The following SLC6A16 variants were observed in gnomAD, a reference collection of about 807,000 sequenced individuals.
SLC6A16 encodes solute carrier family 6 member 16.
In SLC6A16, 54 loss-of-function variants were observed where a neutral mutation model predicts 65.4. The ratio of observed to expected loss-of-function variants is 0.83; its 90% CI spans 0.66 to 1.04. The LOEUF (loss-of-function observed/expected upper bound fraction) is 1.04. Among genes scored for constraint, SLC6A16 ranks in the 50% least tolerant of loss-of-function variants. The pLI, the probability that SLC6A16 is intolerant of heterozygous loss-of-function variation, is 0.00. For synonymous variants in SLC6A16, 330 were observed against 346.5 expected, an observed-to-expected ratio of 0.95 and a Z score of 0.53; for missense variants, 816 against 914.0, an observed-to-expected ratio of 0.89 and a Z score of 1.38.
rs1030134979 is a variant in SLC6A16, at chr19:49,316,396, T to C, written c.-64-4985A>G. 3.3e-5 allele frequency among the ~76,000 whole-genome samples: 5 copies of C among 152,050 alleles called. No homozygotes were observed. The South Asian group carries it at 1.0e-3, about 31-fold the overall frequency. On this transcript the variant is annotated intron_variant, in intron 1 of 11. Transcript: ENST00000335875. ...GCCACAGACCTGTATAGAATCAGCATCTGTGTGGGAGGAAACAAAGGAAGC... is the reference window on the plus strand; with the variant it reads ...GCCACAGACCTGTATAGAATCAGCACCTGTGTGGGAGGAAACAAAGGAAGC...
intron 7 of SLC6A16, chr19:49,305,755 T>C (rs536864965): frequency 3.9e-5 from 6 of 152,246 alleles, no homozygotes; most frequent in African/African-American, 1.4e-4. Flanking sequence ...AGATAAATCA[T>C]TGTTGTTTTA....
At chr19:49,335,598 C>T in the SLC6A16 span, 2 of 1,613,606 alleles carry the variant, frequency 1.2e-6, no homozygotes, top group African/African-American at 2.7e-5. This position sits in a 1 kb window ranked among gnomAD's most constrained non-coding sequence, Gnocchi z 4.6. Context: ...CGTTTTCAAC[C>T]TCTTCTTCTT....
chr19:49,320,603 T>C (rs866361878), intron 1 of SLC6A16, among the ~76,000 whole-genome samples: 2 of 151,778 alleles, frequency 1.3e-5, no homozygotes, highest in African/African-American at 4.8e-5. Flanking sequence ...TCAACAAAAT[T>C]GACAAACCTT....
At chr19:49,314,642 T>C (rs1461069892) in intron 1 of SLC6A16, among the ~76,000 whole-genome samples, 2 of 152,156 alleles carry the variant, frequency 1.3e-5, no homozygotes, top group Admixed American at 1.3e-4. Context: ...AACTAGTATC[T>C]TTAGAGTATT....
chr19:49,321,437 G>A (rs1284957509), intron 1 of SLC6A16, among the ~76,000 whole-genome samples: 2 of 152,016 alleles, frequency 1.3e-5, no homozygotes, highest in Non-Finnish European at 2.9e-5. Context: ...GAACCCAGGA[G>A]TTCAAGACCA....
At chr19:49,321,588 T>C (rs1970711835) in intron 1 of SLC6A16, among the ~76,000 whole-genome samples, 1 of 151,948 alleles carries the variant, frequency 6.6e-6, no homozygotes, top group Non-Finnish European at 1.5e-5. Flanking sequence ...ATACAAAAAT[T>C]AGTCAGATGT....
chr19:49,308,875 C>A lies in SLC6A16; in HGVS notation c.1229+1G>T, dbSNP rs747572736. Reference sequence around the variant, plus strand: ...ACCCTTAACAAAGGGGCCGGCCTTACCTCTCACAGCAGCGATGTGTGATGA... The same window carrying A: ...ACCCTTAACAAAGGGGCCGGCCTTAACTCTCACAGCAGCGATGTGTGATGA... On this transcript the variant is annotated splice_donor_variant, in intron 7 of 11. Transcript: ENST00000335875. LOFTEE classifies it high-confidence loss of function. 1.2e-5 allele frequency: 20 copies of A among 1,613,992 alleles called. No individual in the cohort carries two copies. The Admixed American group carries it at 2.8e-4, about 23-fold the overall frequency.
At chr19:49,336,967 C>G in the SLC6A16 span, 6 of 1,614,174 alleles carry the variant, frequency 3.7e-6, no homozygotes, top group South Asian at 6.6e-5. Context: ...CAGGAATCTT[C>G]ACCATGGGCA....
At chr19:49,297,070 G>C (rs1034438738) in intron 7 of SLC6A16, among the ~76,000 whole-genome samples, 3 of 152,078 alleles carry the variant, frequency 2.0e-5, no homozygotes, top group African/African-American at 4.8e-5. Flanking sequence ...AAAGAAAATT[G>C]ATAAATTGGG....
the SLC6A16 span, chr19:49,338,007 G>C: frequency 6.2e-7 from 1 of 1,613,984 alleles, no homozygotes; most frequent in Non-Finnish European, 8.5e-7. The surrounding 1 kb of genome is among the most constrained non-coding windows in gnomAD (Gnocchi z 5.0). Context: ...GCCGAGGAGA[G>C]CTGGGACTAT....
chr19:49,311,587 C>T (rs1364754521), intron 1 of SLC6A16, among the ~76,000 whole-genome samples, 176 bp from the exon 2 acceptor site: 2 of 152,072 alleles, frequency 1.3e-5, no homozygotes, highest in Non-Finnish European at 2.9e-5. Flanking sequence ...TGGTGGCTCA[C>T]GCTGTAATCC....
At chr19:49,328,252 G>A (rs1410570629), upstream of SLC6A16, among the ~76,000 whole-genome samples, 1 of 151,986 alleles carries the variant, frequency 6.6e-6, no homozygotes, top group Admixed American at 6.6e-5. Context: ...AAGGCAAAGG[G>A]GAAAAAAGGC....
At chr19:49,309,204 G>A in intron 6 of SLC6A16, 87 bp from the exon 7 acceptor site, 2 of 1,591,440 alleles carry the variant, frequency 1.3e-6, no homozygotes, top group Middle Eastern at 1.7e-4. Context: ...AGGAGAGAGG[G>A]AGATACAAAA....
chr19:49,294,413 A>G lies in SLC6A16; in HGVS notation c.1370T>C (p.Val457Ala). The change falls in exon 8 of 12, where the codon GTT becomes GCT. Residue 457 changes from valine (V) to alanine (A), a missense_variant. Physicochemically the swap from Val to Ala is moderately conservative, Grantham distance 64 (BLOSUM62 0). Coordinates refer to ENST00000335875, the MANE Select transcript of SLC6A16 (RefSeq NM_014037.3). ...SGLPQHIKSMVLREVTECNIE... is the reference protein window; with the variant it reads ...SGLPQHIKSMALREVTECNIE... ...GTTGCACTCAGTCACCTCGCGGAGAACCATGCTTTTGATGTGCTGGGGAAG... is the reference window on the plus strand; with the variant it reads ...GTTGCACTCAGTCACCTCGCGGAGAGCCATGCTTTTGATGTGCTGGGGAAG... The G allele has an allele frequency of 6.2e-7, 1 of 1,614,178 alleles. No homozygotes were observed. The highest frequency in any genetic ancestry group is 8.5e-7 in the Non-Finnish European group (1 of 1,180,032).
At chr19:49,310,220 A>T in intron 3 of SLC6A16, 54 bp from the exon 4 acceptor site, 1 of 1,610,612 alleles carries the variant, frequency 6.2e-7, no homozygotes, top group South Asian at 1.1e-5. Flanking sequence ...AGGAAAAGGG[A>T]GGGGATTTGA....
the SLC6A16 span, chr19:49,335,630 C>G: frequency 1.2e-6 from 2 of 1,612,216 alleles, no homozygotes; most frequent in Non-Finnish European, 1.7e-6. The surrounding 1 kb of genome is among the most constrained non-coding windows in gnomAD (Gnocchi z 4.6). Flanking sequence ...TCATGGCTAC[C>G]CAGCCGGGGC....
chr19:49,325,358 A>G (rs370710702), upstream of SLC6A16: 13 of 535,606 alleles, frequency 2.4e-5, no homozygotes, highest in African/African-American at 2.7e-4. Context: ...CTCACGCGCC[A>G]CTCCCTTCCC....
chr19:49,319,401 ATGTG>A (rs140518696), intron 1 of SLC6A16, among the ~76,000 whole-genome samples: 3 of 150,858 alleles, frequency 2.0e-5, no homozygotes, highest in Non-Finnish European at 4.4e-5. Flanking sequence ...TCCTTCATAT[ATGTG>A]TGTGTGTATA....
chr19:49,335,393 C>A, the SLC6A16 span: 441 of 677,564 alleles, frequency 6.5e-4, 2 homozygotes, highest in African/African-American at 7.1e-3. The surrounding 1 kb of genome is among the most constrained non-coding windows in gnomAD (Gnocchi z 4.6). Context: ...TGGAGCCCCA[C>A]CCCTGGAACT....
Sources: allele counts gnomAD v4.1 joint callset (sites outside exome capture counted in the v4.1 genomes callset), GRCh38; gene constraint gnomAD v4.1.1; non-coding constraint Gnocchi (gnomAD v3.1); transcripts MANE v1.5; gene names NCBI Gene and HGNC (gene_info 2026-07-23, HGNC 2026-07-21).